Variants in HAAO observed in about 807,000 individuals in gnomAD.
The protein encoded by HAAO is 3-hydroxyanthranilate oxygenase.
In HAAO, 49 loss-of-function variants were observed where a neutral mutation model predicts 46.2. That is an observed-to-expected ratio of 1.06 (90% CI 0.84 to 1.34). The LOEUF is 1.34. HAAO is among the 40% of genes most tolerant of loss of function. The pLI, the probability that HAAO is intolerant of heterozygous loss-of-function variation, is 0.00. For missense variants in HAAO, 408 were observed against 364.5 expected, an observed-to-expected ratio of 1.12 and a Z score of -0.97; for synonymous variants, 157 against 145.2, an observed-to-expected ratio of 1.08 and a Z score of -0.58.
chr2:42,769,999 A>G, intron 6 of HAAO, 141 bp from the exon 7 acceptor site: 1 of 1,109,420 alleles, frequency 9.0e-7, no homozygotes, highest in Non-Finnish European at 1.3e-6. Flanking sequence ...GCCATGTGGG[A>G]GGTACCATTG....
intron 2 of HAAO, among the ~76,000 whole-genome samples, chr2:42,786,635 G>A (rs555313160): frequency 6.6e-6 from 1 of 152,274 alleles, no homozygotes; most frequent in Non-Finnish European, 1.5e-5. Context: ...AAGATCCCGG[G>A]GTTAGTAAGC....
intron 1 of HAAO, among the ~76,000 whole-genome samples, chr2:42,791,154 C>A (rs956901435): frequency 2.6e-5 from 4 of 152,130 alleles, no homozygotes; most frequent in African/African-American, 7.2e-5. Context: ...GTAGGGTGAG[C>A]CCCTGATCCA....
rs565804501 is a variant in HAAO at position 42,770,089 on chromosome 2, C to G, written c.484+54G>C. 3 of 1,533,324 alleles carry G rather than the reference C, an allele frequency of 2.0e-6. No homozygotes were observed. The East Asian group carries it at 7.0e-5, about 36-fold the overall frequency. 95.0% of individuals were successfully genotyped at this position (1,533,324 alleles called of 1,614,324 possible). On this transcript the variant is annotated intron_variant, in intron 6 of 9. Transcript: ENST00000294973. ...CCCGGTCCCCTGGACCAAAACCCATCCTATTTTGGAAGGGGAGGGAGGGAA... is the reference window on the plus strand; with the variant it reads ...CCCGGTCCCCTGGACCAAAACCCATGCTATTTTGGAAGGGGAGGGAGGGAA...
Position 42,767,393 on chromosome 2 carries a change from G to C in HAAO, c.*44C>G, listed in dbSNP as rs752059080. 2.2e-6 allele frequency: 3 copies of C among 1,390,262 alleles called. No individual in the cohort carries two copies. Among genetic ancestry groups the C allele is most frequent in the East Asian group, 4.6e-5 (2 of 43,572 alleles). The allele number at this position is 1,390,262 out of a possible 1,614,324, so 86.1% of individuals were successfully genotyped here. ...TTGTTTGGCAGGGATGGCACTCGAG[G>C]GTGCTTGGCACACCTGTGGCTGCTT... On this transcript the variant is annotated 3_prime_UTR_variant, in exon 10 of 10. Transcript: ENST00000294973.
intron 4 of HAAO, 40 bp from the exon 5 acceptor site, chr2:42,770,622 T>A: frequency 7.1e-7 from 1 of 1,412,708 alleles, no homozygotes; most frequent in Non-Finnish European, 9.7e-7. Flanking sequence ...TGTCCCCATC[T>A]GGGTGGCTTC....
Position 42,767,639 on chromosome 2 carries a change from C to T in HAAO, c.738G>A (p.Leu246=), listed in dbSNP as rs1186250583. The change falls in exon 9 of 10, where the codon CTG becomes CTA. Residue 246 remains leucine, a synonymous_variant. Coordinates refer to ENST00000294973, the MANE Select transcript of HAAO (RefSeq NM_012205.3). ...SSVVTMGGRR[L]SLAPDDSLLV... ...GGAGGCTGTCATCAGGGGCCAGGCTCAGGCGCCGTCCCCCCATTGTCACCA... is the reference window on the plus strand; with the variant it reads ...GGAGGCTGTCATCAGGGGCCAGGCTTAGGCGCCGTCCCCCCATTGTCACCA... 1 of 1,569,820 alleles carries T rather than the reference C, an allele frequency of 6.4e-7. No individual in the cohort carries two copies. The highest frequency in any genetic ancestry group is 1.7e-4 in the Middle Eastern group (1 of 6,004).
rs767863226 is a variant in HAAO at position 42,769,738 on chromosome 2, A to T, written c.605T>A (p.Leu202Gln). 1 of 1,613,224 alleles carries T rather than the reference A, an allele frequency of 6.2e-7. No individual in the cohort carries two copies. The highest frequency in any genetic ancestry group is 8.5e-7 in the Non-Finnish European group (1 of 1,179,594). The stretch of plus-strand genomic sequence containing the variant: ...CTGGGTCTCATAGGTGTCCCCAAAC[A>T]GGCTGAGTGGTGTGCCTGCCTGCAG... ...RELQAGTPLS[L>Q]FGDTYETQVI... The change falls in exon 7 of 10, where the codon CTG becomes CAG. Residue 202 changes from leucine to glutamine, a missense_variant. Transcript: ENST00000294973.
At chr2:42,772,553 C>G (rs748702468) in intron 4 of HAAO, among the ~76,000 whole-genome samples, 1 of 150,988 alleles carries the variant, frequency 6.6e-6, no homozygotes, top group South Asian at 2.1e-4. Flanking sequence ...AGAAATAAGA[C>G]AAGATGGAAG....
chr2:42,783,493 G>T, intron 3 of HAAO, 73 bp from the exon 4 acceptor site: 1 of 981,338 alleles, frequency 1.0e-6, no homozygotes. Flanking sequence ...CCAACATCCT[G>T]GGCATCCCCA....
chr2:42,783,425 A>C lies in HAAO; in HGVS notation c.244-5T>G. The C allele has an allele frequency of 6.4e-7, 1 of 1,564,518 alleles. No homozygotes were observed. The highest frequency in any genetic ancestry group is 8.8e-7 in the Non-Finnish European group (1 of 1,136,522). On this transcript the variant is annotated splice_region_variant and splice_polypyrimidine_tract_variant and intron_variant, in intron 3 of 9. Transcript: ENST00000294973. ...CCTGGCAGGCAGGAGGAATATCTGC[A>C]GTGGTAGAGATAAGGTGCACAGTGA...
chr2:42,767,581 C>T lies in HAAO; in HGVS notation c.782+14G>A. 6.3e-7 allele frequency: 1 copy of T among 1,581,914 alleles called. No individual in the cohort carries two copies. The highest frequency in any genetic ancestry group is 8.6e-7 in the Non-Finnish European group (1 of 1,163,126). On this transcript the variant is annotated intron_variant, in intron 9 of 9. Transcript: ENST00000294973. ...CCCTGAGGATCCCAGGGAAAGCCCT[C>T]CCTGCGTACTCACGAGGTCCCAGCT...
intron 2 of HAAO, among the ~76,000 whole-genome samples, chr2:42,788,081 C>G (rs1232919987): frequency 6.6e-6 from 1 of 152,186 alleles, no homozygotes; most frequent in South Asian, 2.1e-4. Flanking sequence ...CTCAGCCCCT[C>G]GAACTCCCTC....
intron 7 of HAAO, among the ~76,000 whole-genome samples, chr2:42,768,569 G>A (rs997865002): frequency 6.6e-6 from 1 of 152,096 alleles, no homozygotes; most frequent in Non-Finnish European, 1.5e-5. Context: ...AGGCCTCTAC[G>A]GGAAGCCTGT....
At chr2:42,768,177 G>A (rs148514415) in intron 7 of HAAO, among the ~76,000 whole-genome samples, 7 of 152,352 alleles carry the variant, frequency 4.6e-5, no homozygotes, top group African/African-American at 9.6e-5. Flanking sequence ...CAGTGCACCC[G>A]TGGTCCCTCT....
intron 4 of HAAO, chr2:42,782,753 G>A: frequency 6.5e-6 from 2 of 307,406 alleles, no homozygotes; most frequent in Non-Finnish European, 6.7e-6. Context: ...GTAACCATTT[G>A]TCTCTTATCT....
Position 42,767,446 on chromosome 2 carries a change from G to A in HAAO, c.852C>T (p.Pro284=), listed in dbSNP as rs1670746087. 1 of 1,612,276 alleles carries A rather than the reference G, an allele frequency of 6.2e-7. No homozygotes were observed. Among genetic ancestry groups the A allele is most frequent in the Non-Finnish European group, 8.5e-7 (1 of 1,179,102 alleles). ...SVTQDPACKK[P]LG Reference sequence around the variant, plus strand: ...GGCCATGGCAAGAGGGTCACCCCAGGGGCTTCTTGCAGGCAGGGTCCTGGG... The same window carrying A: ...GGCCATGGCAAGAGGGTCACCCCAGAGGCTTCTTGCAGGCAGGGTCCTGGG... Residue 284 remains proline (P), a synonymous_variant, in exon 10 of 10, where the codon CCC becomes CCT. Coordinates refer to ENST00000294973, the MANE Select transcript of HAAO (RefSeq NM_012205.3).
In HAAO at chr2:42,783,875, A is replaced by T. The variant is rs755005832; in HGVS notation, c.160-8T>A. The T allele has an allele frequency of 1.2e-6, 2 of 1,606,140 alleles. No homozygotes were observed. The highest frequency in any genetic ancestry group is 1.7e-6 in the Non-Finnish European group (2 of 1,175,890). ...CTCCAGCTGGTAAAATACCTGTGGG[A>T]CAGGAGAGAGGCTTGGACCCTCCGC... On this transcript the variant is annotated splice_region_variant and splice_polypyrimidine_tract_variant and intron_variant, in intron 2 of 9. Transcript: ENST00000294973.
rs10535571 is a variant in HAAO at position 42,769,619 on chromosome 2, AAGAGAG to A, written c.630+88_630+93del. The A allele has an allele frequency of 3.7e-4, 307 of 836,126 alleles. 3 individuals are homozygous for A. Among genetic ancestry groups the A allele is most frequent in the Non-Finnish European group, 4.3e-4 (230 of 535,042 alleles). 51.8% of individuals were successfully genotyped at this position (836,126 alleles called of 1,614,324 possible). A position where few individuals can be genotyped will look rare whatever the true frequency, so the allele number is the denominator to read the frequency against. On this transcript the variant is annotated intron_variant, in intron 7 of 9. Coordinates refer to ENST00000294973, the MANE Select transcript of HAAO (RefSeq NM_012205.3). ...TGTGTGTGTGTGAGTGTGTGTGTGA[AAGAGAG>A]AGAGAGAGAGGCAGTGAGAGAGAGA... is the stretch of plus-strand genomic sequence containing the variant.
Position 42,769,748 on chromosome 2 carries a change from G to C in HAAO, c.595C>G (p.Pro199Ala). The change falls in exon 7 of 10, where the codon CCA becomes GCA. Residue 199 changes from proline to alanine, a missense_variant. Physicochemically the swap from Pro to Ala is conservative, Grantham distance 27. Transcript: ENST00000294973. ...TAGGTGTCCCCAAACAGGCTGAGTG[G>C]TGTGCCTGCCTGCAGCTCCCTGTGG... ...SHHRELQAGTPLSLFGDTYET... is the reference protein window; with the variant it reads ...SHHRELQAGTALSLFGDTYET... 1 of 1,613,800 alleles carries C rather than the reference G, an allele frequency of 6.2e-7. No homozygotes were observed. Among genetic ancestry groups the C allele is most frequent in the East Asian group, 2.2e-5 (1 of 44,886 alleles).
Sources: allele counts gnomAD v4.1 joint callset (sites outside exome capture counted in the v4.1 genomes callset), GRCh38; gene constraint gnomAD v4.1.1; transcripts MANE v1.5; gene names NCBI Gene and HGNC (gene_info 2026-07-23, HGNC 2026-07-21).